Variants in LYPD6 observed in about 807,000 individuals in gnomAD.
LYPD6 encodes the protein LY6/PLAUR domain containing 6.
In LYPD6, 15 loss-of-function variants were observed where a neutral mutation model predicts 22.7. That is an observed-to-expected ratio of 0.66 (90% CI 0.44 to 1.02). LYPD6 has a LOEUF of 1.02. LYPD6 is among the 50% of genes least tolerant of loss of function. The pLI is 0.00. For missense variants in LYPD6, 189 were observed against 208.4 expected, an observed-to-expected ratio of 0.91 and a Z score of 0.57; for synonymous variants, 72 against 77.5, an observed-to-expected ratio of 0.93 and a Z score of 0.37.
intron 1 of LYPD6, 79 bp from the exon 2 acceptor site, chr2:149,437,559 T>C: frequency 7.8e-7 from 1 of 1,277,012 alleles, no homozygotes; most frequent in South Asian, 1.4e-5. Context: ...CATCCCATCT[T>C]ACCAGCATGG....
intron 3 of LYPD6, among the ~76,000 whole-genome samples, chr2:149,468,132 A>AACACACACACACACACACAC (rs58309346): frequency 6.1e-5 from 7 of 114,716 alleles, no homozygotes; most frequent in East Asian, 2.4e-4. Flanking sequence ...GCTTCCCCCC[A>AACACACACACACACACACAC]ACACACACAC....
chr2:149,348,312 TAAATA>T (rs1447108603), intron 1 of LYPD6, among the ~76,000 whole-genome samples: 1 of 151,312 alleles, frequency 6.6e-6, no homozygotes, highest in Non-Finnish European at 1.5e-5. Context: ...AATAAGGAAA[TAAATA>T]AGAAATGTGC....
chr2:149,337,218 G>A (rs376105433), intron 1 of LYPD6, among the ~76,000 whole-genome samples: 1 of 152,046 alleles, frequency 6.6e-6, no homozygotes, highest in African/African-American at 2.4e-5. Context: ...CAGTAAATAC[G>A]TTGGAATGTT....
intron 1 of LYPD6, among the ~76,000 whole-genome samples, chr2:149,379,514 T>C (rs1559130916): frequency 1.3e-5 from 2 of 152,236 alleles, no homozygotes; most frequent in Admixed American, 1.3e-4. Context: ...CTGGGTTAGT[T>C]CCTATTAGAT....
chr2:149,389,232 T>C (rs1682255130), intron 1 of LYPD6, among the ~76,000 whole-genome samples: 1 of 152,164 alleles, frequency 6.6e-6, no homozygotes, highest in African/African-American at 2.4e-5. Flanking sequence ...GGAAGCTCTT[T>C]CATGGCAAAA....
At chr2:149,477,622 C>CAAAAAAAAA (rs35507967), downstream of LYPD6, among the ~76,000 whole-genome samples, 3 of 62,920 alleles carry the variant, frequency 4.8e-5, no homozygotes, top group Non-Finnish European at 8.2e-5. Context: ...AACTGTGTCT[C>CAAAAAAAAA]AAAAAAAAAA....
intron 1 of LYPD6, among the ~76,000 whole-genome samples, chr2:149,342,914 T>A (rs1681188595): frequency 6.6e-6 from 1 of 152,192 alleles, no homozygotes; most frequent in African/African-American, 2.4e-5. Context: ...ATCAACATGG[T>A]ACAAAAAAAT....
intron 1 of LYPD6, among the ~76,000 whole-genome samples, chr2:149,408,234 G>A (rs984376460): frequency 1.3e-5 from 2 of 152,146 alleles, no homozygotes; most frequent in Non-Finnish European, 2.9e-5. Flanking sequence ...ATCTCCAGCT[G>A]CGTGCTGGGA....
At chr2:149,462,303 C>G (rs756891082) in intron 3 of LYPD6, among the ~76,000 whole-genome samples, 1 of 151,636 alleles carries the variant, frequency 6.6e-6, no homozygotes, top group Non-Finnish European at 1.5e-5. Flanking sequence ...AAAAATATAC[C>G]ATTTAAAATA....
chr2:149,439,023 A>AT (rs1416577172), intron 2 of LYPD6, among the ~76,000 whole-genome samples: 1 of 152,248 alleles, frequency 6.6e-6, no homozygotes, highest in East Asian at 1.9e-4. Context: ...GTAAAGTAAT[A>AT]TAATACATAC....
chr2:149,446,806 G>T (rs1683699869), intron 2 of LYPD6, among the ~76,000 whole-genome samples: 1 of 152,124 alleles, frequency 6.6e-6, no homozygotes, highest in Non-Finnish European at 1.5e-5. Context: ...TCATAGTCAG[G>T]TCTGTGAAGT....
intron 1 of LYPD6, among the ~76,000 whole-genome samples, chr2:149,357,373 G>T (rs962986756): frequency 6.6e-6 from 1 of 152,148 alleles, no homozygotes; most frequent in African/African-American, 2.4e-5. Flanking sequence ...CTTTTTTCCA[G>T]GGTTCCATTT....
intron 1 of LYPD6, among the ~76,000 whole-genome samples, chr2:149,417,162 G>C (rs1313797886): frequency 6.6e-6 from 1 of 152,184 alleles, no homozygotes; most frequent in East Asian, 1.9e-4. Flanking sequence ...ATTGTTAGCA[G>C]GAATCAGTAA....
At chr2:149,412,481 A>ATT (rs60105266) in intron 1 of LYPD6, among the ~76,000 whole-genome samples, 3 of 151,424 alleles carry the variant, frequency 2.0e-5, no homozygotes, top group Admixed American at 6.6e-5. Flanking sequence ...ATTTTTGTTA[A>ATT]TTTTTTTTAA....
intron 1 of LYPD6, among the ~76,000 whole-genome samples, chr2:149,375,278 T>C (rs552927700): frequency 7.9e-5 from 12 of 152,332 alleles, no homozygotes; most frequent in African/African-American, 2.6e-4. Context: ...ATTTTTGATA[T>C]ACAGTTGGTA....
At chr2:149,339,271 C>G (rs1358080991) in intron 1 of LYPD6, among the ~76,000 whole-genome samples, 2 of 152,152 alleles carry the variant, frequency 1.3e-5, no homozygotes, top group African/African-American at 2.4e-5. Context: ...TGAGGGAGTT[C>G]TTGAAATGGT....
At chr2:149,477,622 CAAAAAAAAAAAAAAAAAA>C (rs35507967), downstream of LYPD6, among the ~76,000 whole-genome samples, 1 of 62,912 alleles carries the variant, frequency 1.6e-5, no homozygotes, top group Non-Finnish European at 2.7e-5. Flanking sequence ...AACTGTGTCT[CAAAAAAAAAAAAAAAAAA>C]AAAAAAAAGA....
intron 1 of LYPD6, among the ~76,000 whole-genome samples, chr2:149,417,835 A>G (rs921041290): frequency 3.3e-5 from 5 of 152,176 alleles, no homozygotes; most frequent in Admixed American, 3.3e-4. Context: ...TATTGTTTTC[A>G]TCTGTTTTGT....
chr2:149,332,003 A>C (rs1243479018), intron 1 of LYPD6, among the ~76,000 whole-genome samples: 1 of 152,258 alleles, frequency 6.6e-6, no homozygotes, highest in Non-Finnish European at 1.5e-5. Flanking sequence ...TTATTTCTCT[A>C]GAAGACATTA....
Sources: gnomAD v4.1 joint callset for allele counts (sites outside exome capture counted in the v4.1 genomes callset) on GRCh38, gnomAD v4.1.1 for gene constraint, MANE v1.5 for transcripts, NCBI Gene and HGNC (gene_info 2026-07-23, HGNC 2026-07-21) for gene names.